Variants in FECH observed in about 807,000 individuals in gnomAD.
FECH encodes ferrochelatase, mitochondrial.
Under a neutral mutation model 56.9 loss-of-function variants are expected in FECH, and 40 were observed. The observed-to-expected ratio is 0.70, with a 90% confidence interval of 0.55 to 0.92. FECH has a LOEUF of 0.92. FECH is among the 40% of genes least tolerant of loss of function. The probability of loss-of-function intolerance (pLI) is 0.00; values close to 1 mark genes in which losing one functional copy is unlikely to be tolerated. For synonymous variants in FECH, 175 were observed against 198.6 expected (o/e 0.88, Z 1.00); for missense variants, 431 against 529.1 (o/e 0.81, Z 1.82).
intron 1 of FECH, among the ~76,000 whole-genome samples, chr18:57,583,767 C>CCTAGGCCA (rs1330729224): frequency 6.6e-6 from 1 of 150,822 alleles, no homozygotes; most frequent in East Asian, 2.0e-4. Context: ...TTGAGACTAG[C>CCTAGGCCA]CTAGGCCATG....
intron 10 of FECH, chr18:57,551,060 T>A (rs1430212914): frequency 1.5e-6 from 1 of 661,960 alleles, no homozygotes; most frequent in Non-Finnish European, 2.6e-6. Flanking sequence ...GATGAAAACC[T>A]CTTACCCTAC....
At position 57,570,028 on chromosome 18, in the gene FECH, TTGTCGTGTGTGTGTG is replaced by T. The variant is rs1411057201; in HGVS notation, c.463+1349_463+1363del. 3.7e-4 allele frequency among the ~76,000 whole-genome samples: 38 copies of T among 101,964 alleles called. 1 individual carries two copies. The East Asian group carries it at 7.1e-3, about 19-fold the overall frequency. 66.9% of individuals were successfully genotyped at this position (101,964 alleles called of 152,430 possible). Reference sequence around the variant, plus strand: ...GTTGTTGCTGTTGTTGTTGTTGTTGTTGTCGTGTGTGTGTGTGTGTGTGTGTGTGTGTGTGTGTGT... The same window carrying T: ...GTTGTTGCTGTTGTTGTTGTTGTTGTTGTGTGTGTGTGTGTGTGTGTGTGT... On this transcript the variant is annotated intron_variant, in intron 4 of 10. Coordinates refer to ENST00000262093, the MANE Select transcript of FECH (RefSeq NM_000140.5).
Position 57,550,161 on chromosome 18 carries a change from G to A in FECH, c.*551C>T, listed in dbSNP as rs562725549. 1 of 154,014 alleles carries A rather than the reference G, an allele frequency of 6.5e-6. No individual in the cohort carries two copies. Among genetic ancestry groups the A allele is most frequent in the Non-Finnish European group, 1.4e-5 (1 of 69,232 alleles). The allele number at this position is 154,014 out of a possible 1,614,324, so 9.5% of individuals were successfully genotyped here. ...AATACCAAGATGACCAATGAATGGT[G>A]GCCTCGCTGGCAAAAGCAGCCATTG... On this transcript the variant is annotated 3_prime_UTR_variant, in exon 11 of 11. Coordinates refer to ENST00000262093, the MANE Select transcript of FECH (RefSeq NM_000140.5).
chr18:57,549,178 A>G lies in FECH; in HGVS notation c.*1534T>C, dbSNP rs1157038490. Reference sequence around the variant, plus strand: ...CCAATTTGAAATTTTAAAAATGTGGATGCTACTCATGAGGGCTGTCATCAA... The same window carrying G: ...CCAATTTGAAATTTTAAAAATGTGGGTGCTACTCATGAGGGCTGTCATCAA... On this transcript the variant is annotated 3_prime_UTR_variant, in exon 11 of 11. Coordinates refer to ENST00000262093, the MANE Select transcript of FECH (RefSeq NM_000140.5). 6.6e-6 allele frequency: 1 copy of G among 152,196 alleles called. No individual in the cohort carries two copies. Among genetic ancestry groups the G allele is most frequent in the Non-Finnish European group, 1.5e-5 (1 of 68,030 alleles). 9.4% of individuals were successfully genotyped at this position (152,196 alleles called of 1,614,324 possible).
chr18:57,582,602 C>T (rs1217190668), intron 1 of FECH, among the ~76,000 whole-genome samples: 1 of 150,658 alleles, frequency 6.6e-6, no homozygotes, highest in Non-Finnish European at 1.5e-5. Flanking sequence ...CGTTTCTACA[C>T]AAAATTTAAG....
chr18:57,578,593 T>C (rs2051218109), intron 2 of FECH, among the ~76,000 whole-genome samples: 1 of 151,790 alleles, frequency 6.6e-6, no homozygotes, highest in Non-Finnish European at 1.5e-5. Flanking sequence ...GACAGGAGGA[T>C]CACTTAAGCC....
chr18:57,554,455 G>A lies in FECH; in HGVS notation c.913-31C>T, dbSNP rs151030744. ...CGAAAGATAGACGAATGCGTAAGTG[G>A]ACTATGCCTCCTGACGGTCTGTAGT... On this transcript the variant is annotated intron_variant, in intron 8 of 10. Transcript: ENST00000262093. 153 of 1,613,504 alleles carry A rather than the reference G, an allele frequency of 9.5e-5. No homozygotes were observed. In the African/African-American group the frequency reaches 1.5e-3, roughly 15 times the overall value.
intron 2 of FECH, among the ~76,000 whole-genome samples, chr18:57,579,320 T>TAC (rs1171931322): frequency 2.0e-5 from 3 of 151,208 alleles, no homozygotes; most frequent in Non-Finnish European, 4.4e-5. Flanking sequence ...TGTGTATATA[T>TAC]TCATACCTGT....
intron 1 of FECH, among the ~76,000 whole-genome samples, chr18:57,582,515 C>A (rs1296349347): frequency 2.0e-5 from 3 of 151,416 alleles, no homozygotes; most frequent in Admixed American, 6.6e-5. Flanking sequence ...GTAATCCCAG[C>A]ACTTTGGGAG....
At chr18:57,562,055 CA>C (rs2050951658) in intron 6 of FECH, among the ~76,000 whole-genome samples, 1 of 152,134 alleles carries the variant, frequency 6.6e-6, no homozygotes, top group Admixed American at 6.5e-5. Context: ...TAAATGACAC[CA>C]GGCTTCTAAA....
chr18:57,547,741 T>G lies in FECH; in HGVS notation c.*2971A>C, dbSNP rs1212652330. On this transcript the variant is annotated 3_prime_UTR_variant, in exon 11 of 11. Transcript: ENST00000262093. ...TCAAACTGCTGGGCTCAAGCAATCC[T>G]ACCACCTCAGCCTCCTAAGTAGCTG... is the stretch of plus-strand genomic sequence containing the variant. Among the ~76,000 whole-genome samples, 1 of 152,100 alleles carries G rather than the reference T, an allele frequency of 6.6e-6. No individual in the cohort carries two copies. The highest frequency in any genetic ancestry group is 1.9e-4 in the East Asian group (1 of 5,168).
intron 1 of FECH, among the ~76,000 whole-genome samples, chr18:57,582,860 C>T (rs1442127257): frequency 1.4e-5 from 2 of 142,920 alleles, no homozygotes; most frequent in East Asian, 2.0e-4. Context: ...TGCAGTGAGA[C>T]GAGATCACAC....
At position 57,554,893 on chromosome 18, in the gene FECH, C is replaced by A; in HGVS notation, c.864G>T (p.Met288Ile). The A allele has an allele frequency of 6.2e-7, 1 of 1,614,210 alleles. No individual in the cohort carries two copies. Among genetic ancestry groups the A allele is most frequent in the Non-Finnish European group, 8.5e-7 (1 of 1,180,030 alleles). The change falls in exon 8 of 11, where the codon ATG becomes ATT. Residue 288 changes from methionine to isoleucine, a missense_variant. Met to Ile is a conservative substitution (Grantham distance 10). Transcript: ENST00000262093. ...QEVSATVQKV[M>I]ERLEYCNPYR... is the part of the protein sequence containing the mutation. ...AGGGGTTGCAGTACTCCAGCCTTTC[C>A]ATGACTTTTTGGACAGTGGCGCTTA...
rs1396492661 is a variant in FECH, at chr18:57,546,938, C to A, written c.*3774G>T. On this transcript the variant is annotated 3_prime_UTR_variant, in exon 11 of 11. Transcript: ENST00000262093. ...TCGTGCCACTGTACTCCAGCTTGGGCAACAGAGCGAGACTCCATCTCAAAA... is the reference window on the plus strand; with the variant it reads ...TCGTGCCACTGTACTCCAGCTTGGGAAACAGAGCGAGACTCCATCTCAAAA... Among the ~76,000 whole-genome samples, 1 of 143,194 alleles carries A rather than the reference C, an allele frequency of 7.0e-6. No individual in the cohort carries two copies. Among genetic ancestry groups the A allele is most frequent in the African/African-American group, 2.6e-5 (1 of 38,288 alleles). 93.9% of individuals were successfully genotyped at this position (143,194 alleles called of 152,430 possible).
chr18:57,551,465 AC>A, intron 9 of FECH, 91 bp from the exon 10 acceptor site: 1 of 907,220 alleles, frequency 1.1e-6, no homozygotes, highest in Non-Finnish European at 1.8e-6. Context: ...ATAAATACAC[AC>A]AGATACACAC....
chr18:57,563,495 G>A (rs2551436), intron 5 of FECH, among the ~76,000 whole-genome samples: 15,710 of 139,994 alleles, frequency 0.11, 1,193 homozygotes, highest in African/African-American at 0.22. Context: ...TAGGAGAATC[G>A]CTTGAACCCA....
chr18:57,555,934 G>C (rs1427794451), intron 7 of FECH, among the ~76,000 whole-genome samples: 1 of 152,198 alleles, frequency 6.6e-6, no homozygotes, highest in African/African-American at 2.4e-5. Flanking sequence ...TTCGAGACCA[G>C]CCTCACCAAC....
At position 57,566,451 on chromosome 18, in the gene FECH, G is replaced by A. The variant is rs749639593; in HGVS notation, c.594C>T (p.Thr198=). Residue 198 remains threonine, a synonymous_variant, in exon 5 of 11, where the codon ACC becomes ACT. Transcript: ENST00000262093. ...FTQYPQYSCS[T]TGSSLNAIYR... is the part of the protein sequence containing the mutation. ...CTGTCAGAGAGATGCCCTTACCTGT[G>A]GTGGAGCAGCTGTACTGTGGATACT... 1 of 1,614,176 alleles carries A rather than the reference G, an allele frequency of 6.2e-7. No individual in the cohort carries two copies. Among genetic ancestry groups the A allele is most frequent in the Non-Finnish European group, 8.5e-7 (1 of 1,180,020 alleles).
chr18:57,566,626 A>G (rs748545435), intron 4 of FECH, 45 bp from the exon 5 acceptor site: 1 of 1,609,982 alleles, frequency 6.2e-7, no homozygotes, highest in Non-Finnish European at 8.5e-7. Context: ...TAATCCTTAT[A>G]TAGATTCCTC....
Sources: allele counts gnomAD v4.1 joint callset (sites outside exome capture counted in the v4.1 genomes callset), GRCh38; gene constraint gnomAD v4.1.1; transcripts MANE v1.5; gene names NCBI Gene and HGNC (gene_info 2026-07-23, HGNC 2026-07-21).